The following RESP18 variants were observed in gnomAD, a reference collection of about 807,000 sequenced individuals.
RESP18 encodes regulated endocrine specific protein 18.
RESP18 carries 30 observed loss-of-function variants against 30.0 expected under a neutral mutation model. The ratio of observed to expected loss-of-function variants is 1.00; its 90% confidence interval spans 0.75 to 1.36. The LOEUF (loss-of-function observed/expected upper bound fraction) is 1.36, where lower values mean the gene tolerates loss of function less well. RESP18 is among the 40% of genes most tolerant of loss of function. The probability of loss-of-function intolerance (pLI) is 0.00; values close to 1 mark genes in which losing one functional copy is unlikely to be tolerated. For missense variants in RESP18, 320 were observed against 284.2 expected (o/e 1.13, Z -0.91); for synonymous variants, 117 against 111.2 (o/e 1.05, Z -0.33).
Position 219,332,726 on chromosome 2 carries a change from C to G in RESP18, c.30G>C (p.Ala10=), listed in dbSNP as rs1952845276. Residue 10 remains alanine, a synonymous_variant, in exon 2 of 7, where the codon GCG becomes GCC. Coordinates refer to ENST00000333527, the MANE Select transcript of RESP18 (RefSeq NM_001007089.4). Reference sequence around the variant, plus strand: ...GCGGGGCTGCAGCTTCCCACCAGCCCGCGACTCCGAATCTGTTTAACCCTC... The same window carrying G: ...GCGGGGCTGCAGCTTCCCACCAGCCGGCGACTCCGAATCTGTTTAACCCTC... 6.5e-7 allele frequency: 1 copy of G among 1,545,400 alleles called. No homozygotes were observed. Among genetic ancestry groups the G allele is most frequent in the Non-Finnish European group, 8.7e-7 (1 of 1,143,324 alleles).
At chr2:219,332,815 C>G in intron 1 of RESP18, 71 bp from the exon 1 acceptor site, 1 of 1,149,750 alleles carries the variant, frequency 8.7e-7, no homozygotes, top group Non-Finnish European at 1.2e-6. Context: ...GCTCCTTCCC[C>G]TACCGCCTCC....
chr2:219,328,167 G>T (rs988837417), intron 6 of RESP18, among the ~76,000 whole-genome samples: 6 of 152,152 alleles, frequency 3.9e-5, no homozygotes, highest in Non-Finnish European at 4.4e-5. Context: ...ATCATATCAC[G>T]TTGTGACATT....
intron 2 of RESP18, chr2:219,331,168 C>A: frequency 3.5e-6 from 1 of 282,202 alleles, no homozygotes; most frequent in South Asian, 5.6e-5. Context: ...AAGCTGAGCA[C>A]ATGGGAATAG....
At chr2:219,327,953 A>G (rs1332372538) in intron 6 of RESP18, among the ~76,000 whole-genome samples, 2 of 152,184 alleles carry the variant, frequency 1.3e-5, no homozygotes, top group African/African-American at 2.4e-5. Context: ...GGAGAGCATG[A>G]GGAGCTGGAA....
In RESP18 at chr2:219,330,800, T is replaced by A. The variant is rs533028313; in HGVS notation, c.308A>T (p.Gln103Leu). Reference sequence around the variant, plus strand: ...GGGTATAATCTGCTGGAGCACAACCTGTAAATGCTGGAAGACTGGGGTGGC... The same window carrying A: ...GGGTATAATCTGCTGGAGCACAACCAGTAAATGCTGGAAGACTGGGGTGGC... Residue 103 changes from glutamine (Q) to leucine (L), a missense_variant, in exon 3 of 7, where the codon CAG becomes CTG. Transcript: ENST00000333527. 1.3e-6 allele frequency: 2 copies of A among 1,551,228 alleles called. No individual in the cohort carries two copies. Among genetic ancestry groups the A allele is most frequent in the Non-Finnish European group, 1.7e-6 (2 of 1,146,670 alleles).
At chr2:219,331,835 C>T (rs1338130854) in intron 2 of RESP18, among the ~76,000 whole-genome samples, 1 of 152,218 alleles carries the variant, frequency 6.6e-6, no homozygotes, top group African/African-American at 2.4e-5. Context: ...GCTTGGCGGT[C>T]CTTCCCCACG....
chr2:219,330,124 G>A (rs1952814811), intron 3 of RESP18, among the ~76,000 whole-genome samples: 1 of 152,214 alleles, frequency 6.6e-6, no homozygotes, highest in African/African-American at 2.4e-5. Context: ...GGCTTCTGAT[G>A]CAGTAGGTCT....
rs370509794 is a variant in RESP18, at chr2:219,329,181, C to G, written c.537G>C (p.Glu179Asp). ...CCCTCACCTTGACAGGGTTGGCCAC[C>G]TCTTGTTTCAGGGCCTTAGAAACCA... Residue 179 changes from glutamate (E) to aspartate (D), a missense_variant, in exon 5 of 7, where the codon GAG becomes GAC. Coordinates refer to ENST00000333527, the MANE Select transcript of RESP18 (RefSeq NM_001007089.4). 17 of 1,551,576 alleles carry G rather than the reference C, an allele frequency of 1.1e-5. No individual in the cohort carries two copies. Among genetic ancestry groups the G allele is most frequent in the Non-Finnish European group, 1.4e-5 (16 of 1,146,970 alleles).
At chr2:219,332,983 A>T (rs963375781) in intron 1 of RESP18, among the ~76,000 whole-genome samples, 1 of 152,144 alleles carries the variant, frequency 6.6e-6, no homozygotes, top group Non-Finnish European at 1.5e-5. Context: ...GTGAGAATCA[A>T]ATATGAACAG....
chr2:219,329,627 T>C lies in RESP18; in HGVS notation c.465+10A>G. 3 of 1,551,372 alleles carry C rather than the reference T, an allele frequency of 1.9e-6. No homozygotes were observed. Among genetic ancestry groups the C allele is most frequent in the Non-Finnish European group, 1.7e-6 (2 of 1,146,952 alleles). On this transcript the variant is annotated intron_variant, in intron 4 of 6. Coordinates refer to ENST00000333527, the MANE Select transcript of RESP18 (RefSeq NM_001007089.4). Reference sequence around the variant, plus strand: ...ATGCTTGGAATGACCACAGGCCTCATGCACCTCACCTCAGTGGTTTTAGTG... The same window carrying C: ...ATGCTTGGAATGACCACAGGCCTCACGCACCTCACCTCAGTGGTTTTAGTG...
Position 219,332,534 on chromosome 2 carries a change from A to G in RESP18, c.222T>C (p.Thr74=). The G allele has an allele frequency of 1.3e-6, 2 of 1,550,446 alleles. No homozygotes were observed. Among genetic ancestry groups the G allele is most frequent in the South Asian group, 2.4e-5 (2 of 83,998 alleles). Residue 74 remains threonine, a synonymous_variant, in exon 2 of 7, where the codon ACT becomes ACC. Coordinates refer to ENST00000333527, the MANE Select transcript of RESP18 (RefSeq NM_001007089.4). ...AGGGTTCCTCCTGACCGTGGGCACT[A>G]GTGTCGCTGCAGCCCCCCGGGCAGC...
In RESP18 at chr2:219,328,937, G is replaced by C. The variant is rs1952800868; in HGVS notation, c.627C>G (p.Ile209Met). The change falls in exon 6 of 7, where the codon ATC becomes ATG. Residue 209 changes from isoleucine to methionine, a missense_variant. By Grantham distance (10) the Ile-to-Met change is conservative. Coordinates refer to ENST00000333527, the MANE Select transcript of RESP18 (RefSeq NM_001007089.4). Reference sequence around the variant, plus strand: ...CTCAATACTTACGCATGATCTTATAGATAATTTCTTCCTTAGAGGGTCCCG... The same window carrying C: ...CTCAATACTTACGCATGATCTTATACATAATTTCTTCCTTAGAGGGTCCCG... 1.3e-6 allele frequency: 2 copies of C among 1,548,606 alleles called. No homozygotes were observed. The highest frequency in any genetic ancestry group is 2.7e-5 in the African/African-American group (2 of 73,094).
At chr2:219,328,769 G>T (rs1952798553) in intron 6 of RESP18, among the ~76,000 whole-genome samples, 155 bp downstream of exon 5, 1 of 152,200 alleles carries the variant, frequency 6.6e-6, no homozygotes, top group Non-Finnish European at 1.5e-5. Context: ...AGTAGAGCAA[G>T]GGGGAGGCTG....
rs745343103 is a variant in RESP18 at position 219,329,734 on chromosome 2, T to C, written c.368A>G (p.Asp123Gly). 9 of 1,551,586 alleles carry C rather than the reference T, an allele frequency of 5.8e-6. No homozygotes were observed. The highest frequency in any genetic ancestry group is 7.0e-6 in the Non-Finnish European group (8 of 1,147,022). ...ATGCTCCATCTTTTGGATCATTGCATCCTGGGTGATGTCATCCTTCCAGAA... is the reference window on the plus strand; with the variant it reads ...ATGCTCCATCTTTTGGATCATTGCACCCTGGGTGATGTCATCCTTCCAGAA... Residue 123 changes from aspartate (D) to glycine (G), a missense_variant, in exon 4 of 7, where the codon GAT (aspartate) becomes GGT (glycine). By Grantham distance (94) the Asp-to-Gly change is moderately conservative (BLOSUM62 -1). Coordinates refer to ENST00000333527, the MANE Select transcript of RESP18 (RefSeq NM_001007089.4).
intron 3 of RESP18, among the ~76,000 whole-genome samples, 161 bp from the exon 3 acceptor site, chr2:219,329,925 A>G (rs1952813272): frequency 6.6e-6 from 1 of 152,244 alleles, no homozygotes; most frequent in Non-Finnish European, 1.5e-5. Context: ...CTAGCATATA[A>G]TATTCAAATT....
At chr2:219,331,845 G>A (rs1258919586) in intron 2 of RESP18, among the ~76,000 whole-genome samples, 1 of 152,196 alleles carries the variant, frequency 6.6e-6, no homozygotes. Flanking sequence ...CCTTCCCCAC[G>A]GCCCTCATCC....
chr2:219,329,415 CAG>C (rs201086488), intron 4 of RESP18, 163 bp from the exon 4 acceptor site: 56,943 of 1,551,274 alleles, frequency 0.037, 1,218 homozygotes, highest in Non-Finnish European at 0.042. Context: ...CTAGAAGAGA[CAG>C]GGAATGACAA....
At chr2:219,332,881 C>A in intron 1 of RESP18, 137 bp from the exon 1 acceptor site, 3 of 730,134 alleles carry the variant, frequency 4.1e-6, no homozygotes, top group South Asian at 2.0e-5. Context: ...TAGCTGGGTC[C>A]CAAGAACCAC....
chr2:219,332,597 C>T lies in RESP18; in HGVS notation c.159G>A (p.Glu53=), dbSNP rs1952843099. The T allele has an allele frequency of 1.9e-6, 3 of 1,551,354 alleles. No individual in the cohort carries two copies. In the South Asian group the frequency reaches 3.6e-5, roughly 18 times the overall value. The change falls in exon 2 of 7, where the codon GAG becomes GAA. Residue 53 remains glutamate, a synonymous_variant. Transcript: ENST00000333527. ...GGAAGCAGACAAGCAGCTGGAGCCC[C>T]TCGGAGCTCCCAGGCCACAGTGGGT...
Sources: allele counts gnomAD v4.1 joint callset (sites outside exome capture counted in the v4.1 genomes callset), GRCh38; gene constraint gnomAD v4.1.1; transcripts MANE v1.5; gene names NCBI Gene and HGNC (gene_info 2026-07-23, HGNC 2026-07-21).